The following CASP2 variants were observed in gnomAD, a reference collection of about 807,000 sequenced individuals.
CASP2 encodes the protein caspase 2, also known as caspase-2.
In CASP2, 38 loss-of-function variants were observed where a neutral mutation model predicts 54.4. The ratio of observed to expected loss-of-function variants is 0.70; its 90% confidence interval spans 0.54 to 0.92. The LOEUF is 0.92. Ranked by LOEUF, CASP2 falls within the 40% of genes least tolerant of loss-of-function variation. The pLI is 0.00. For synonymous variants in CASP2, 215 were observed against 216.3 expected, an observed-to-expected ratio of 0.99 and a Z score of 0.05; for missense variants, 512 against 579.6, an observed-to-expected ratio of 0.88 and a Z score of 1.20.
At chr7:143,303,733 A>C in intron 8 of CASP2, 51 bp from the exon 9 acceptor site, 1 of 1,579,566 alleles carries the variant, frequency 6.3e-7, no homozygotes, top group Non-Finnish European at 8.7e-7. Context: ...CAGGCCCAAG[A>C]GAGATAGGAA....
At chr7:143,289,703 T>C (rs967857782) in intron 1 of CASP2, 22 of 642,958 alleles carry the variant, frequency 3.4e-5, no homozygotes, top group Non-Finnish European at 1.5e-5. Flanking sequence ...ATTACTGCTT[T>C]GACGTATTCG....
Position 143,306,078 on chromosome 7 carries a change from TA to T in CASP2, c.*1010del, listed in dbSNP as rs1436241153. On this transcript the variant is annotated 3_prime_UTR_variant, in exon 11 of 11. Transcript: ENST00000310447. ...TAGAATCCTGCTTTACAGGATCATG[TA>T]AATGCTCAAAGATGTAATGTAGTTC... 1 of 152,184 alleles carries T rather than the reference TA, an allele frequency of 6.6e-6. No individual in the cohort carries two copies. 9.4% of individuals were successfully genotyped at this position (152,184 alleles called of 1,614,324 possible).
In CASP2 at chr7:143,300,268, T is replaced by C. The variant is rs1801876299; in HGVS notation, c.941T>C (p.Met314Thr). ...NCPSLQNKPKMFFIQACRGDE... is the reference protein window; with the variant it reads ...NCPSLQNKPKTFFIQACRGDE... ...CCAAGCCTACAGAACAAACCAAAAA[T>C]GTTCTTCATCCAGGCCTGCCGTGGA... is the stretch of plus-strand genomic sequence containing the variant. The change falls in exon 8 of 11, where the codon ATG (methionine) becomes ACG (threonine). Residue 314 changes from methionine (M) to threonine (T), a missense_variant. Coordinates refer to ENST00000310447, the MANE Select transcript of CASP2 (RefSeq NM_032982.4). 1 of 1,614,100 alleles carries C rather than the reference T, an allele frequency of 6.2e-7. No homozygotes were observed. Among genetic ancestry groups the C allele is most frequent in the South Asian group, 1.1e-5 (1 of 91,082 alleles).
Position 143,306,719 on chromosome 7 carries a change from C to G in CASP2, c.*1648C>G, listed in dbSNP as rs1466230957. ...CTATGTTTCTCAGACTGGTCTCGAA[C>G]TCCTGGCCTCAAGCCATCTTCCCGC... On this transcript the variant is annotated 3_prime_UTR_variant, in exon 11 of 11. Coordinates refer to ENST00000310447, the MANE Select transcript of CASP2 (RefSeq NM_032982.4). The G allele has an allele frequency of 6.6e-6, 1 of 151,858 alleles. No homozygotes were observed. Among genetic ancestry groups the G allele is most frequent in the African/African-American group, 2.4e-5 (1 of 41,308 alleles). 9.4% of individuals were successfully genotyped at this position (151,858 alleles called of 1,614,324 possible).
intron 1 of CASP2, chr7:143,291,058 G>A (rs1380048198): frequency 6.0e-6 from 1 of 166,032 alleles, no homozygotes; most frequent in Non-Finnish European, 1.3e-5. Context: ...GTGAAAGAGA[G>A]TTAGTGTCTG....
intron 8 of CASP2, 50 bp from the exon 9 acceptor site, chr7:143,303,734 G>C: frequency 6.3e-7 from 1 of 1,584,878 alleles, no homozygotes; most frequent in Non-Finnish European, 8.7e-7. Context: ...AGGCCCAAGA[G>C]AGATAGGAAG....
At chr7:143,290,768 G>C (rs1181334946) in intron 1 of CASP2, 1 of 152,534 alleles carries the variant, frequency 6.6e-6, no homozygotes, top group Admixed American at 6.5e-5. Flanking sequence ...CTGGGAGTCA[G>C]GGTCCACCAG....
intron 6 of CASP2, chr7:143,298,797 T>G (rs934176130): frequency 3.9e-5 from 6 of 151,996 alleles, no homozygotes; most frequent in Non-Finnish European, 7.4e-5. Flanking sequence ...CTGGGCAATA[T>G]AGCAAGATCC....
chr7:143,293,869 G>A lies in CASP2; in HGVS notation c.476-361G>A, dbSNP rs1248617993. On this transcript the variant is annotated intron_variant, in intron 4 of 10. Transcript: ENST00000310447. ...TTTGTGATAATTGGGCCTTTGAGTAGCATGTATGGGCAGGAAGTTCATGCT... is the reference window on the plus strand; with the variant it reads ...TTTGTGATAATTGGGCCTTTGAGTAACATGTATGGGCAGGAAGTTCATGCT... Among the ~76,000 whole-genome samples, 5 of 152,154 alleles carry A rather than the reference G, an allele frequency of 3.3e-5. No homozygotes were observed. In the East Asian group the frequency reaches 7.7e-4, roughly 23 times the overall value.
chr7:143,294,794 T>C, intron 6 of CASP2, 21 bp downstream of exon 6: 1 of 1,606,584 alleles, frequency 6.2e-7, no homozygotes, highest in Non-Finnish European at 8.5e-7. Flanking sequence ...TGGGAAAAAT[T>C]GACATGTAAA....
intron 6 of CASP2, among the ~76,000 whole-genome samples, chr7:143,299,170 A>G (rs907195682): frequency 6.6e-6 from 1 of 152,104 alleles, no homozygotes; most frequent in African/African-American, 2.4e-5. Context: ...GTCCAGGCCA[A>G]GTCCTTTGTC....
At chr7:143,303,224 A>G (rs1005940125) in intron 8 of CASP2, 22 of 152,276 alleles carry the variant, frequency 1.4e-4, no homozygotes, top group African/African-American at 5.1e-4. Context: ...TGCTTCGAAG[A>G]TATCAAAACC....
chr7:143,304,475 C>T (rs1046655979), intron 9 of CASP2, among the ~76,000 whole-genome samples, 199 bp from the exon 10 acceptor site: 1 of 152,190 alleles, frequency 6.6e-6, no homozygotes, highest in African/African-American at 2.4e-5. Flanking sequence ...GCCATATTCA[C>T]TTTCTTAAGC....
In CASP2 at chr7:143,303,577, A is replaced by T. The variant is rs1191733257; in HGVS notation, c.968-207A>T. The T allele has an allele frequency of 9.9e-6, 5 of 504,230 alleles. No individual in the cohort carries two copies. The East Asian group carries it at 1.8e-4, about 18-fold the overall frequency. 31.2% of individuals were successfully genotyped at this position (504,230 alleles called of 1,614,324 possible). A position where few individuals can be genotyped will look rare whatever the true frequency, so the allele number is the denominator to read the frequency against. On this transcript the variant is annotated intron_variant, in intron 8 of 10. Coordinates refer to ENST00000310447, the MANE Select transcript of CASP2 (RefSeq NM_032982.4). ...TGCTTGAGCGTGGTGCCCGGTGTGT[A>T]TGAGGCATCCCCTGAGTAACAGATG...
intron 6 of CASP2, among the ~76,000 whole-genome samples, chr7:143,294,976 C>T (rs1586458834): frequency 1.3e-5 from 2 of 151,900 alleles, no homozygotes; most frequent in Admixed American, 6.6e-5. Flanking sequence ...TTAGTGTTGA[C>T]ATCTCAGGTT....
chr7:143,301,416 CCT>C (rs748650188), intron 8 of CASP2: 1 of 151,874 alleles, frequency 6.6e-6, no homozygotes, highest in African/African-American at 2.4e-5. Flanking sequence ...GGAAATGTGG[CCT>C]CTCTAAGGAG....
chr7:143,291,436 T>C (rs984742278), intron 1 of CASP2, 104 bp from the exon 2 acceptor site: 1 of 1,139,804 alleles, frequency 8.8e-7, no homozygotes, highest in East Asian at 2.3e-5. Context: ...TCTTGGTTAT[T>C]GTAAGTCTTA....
At chr7:143,299,535 A>G (rs1001150486) in intron 6 of CASP2, among the ~76,000 whole-genome samples, 26 of 152,254 alleles carry the variant, frequency 1.7e-4, no homozygotes, top group African/African-American at 6.0e-4. Context: ...TTACTTATTC[A>G]TAGCTACACT....
In CASP2 at chr7:143,294,746, C is replaced by T; in HGVS notation, c.720C>T (p.Val240=). ...VTLFKLLGYD[V]HVLCDQTAQE... is the part of the protein sequence containing the mutation. ...TCTTCAAGCTTTTGGGCTATGACGT[C>T]CATGTTCTATGTGACCAGACTGCAC... The change falls in exon 6 of 11, where the codon GTC becomes GTT. Residue 240 remains valine, a synonymous_variant. Transcript: ENST00000310447. The T allele has an allele frequency of 6.2e-7, 1 of 1,614,158 alleles. No individual in the cohort carries two copies. Among genetic ancestry groups the T allele is most frequent in the Non-Finnish European group, 8.5e-7 (1 of 1,180,018 alleles).
Sources: gnomAD v4.1 joint callset for allele counts (sites outside exome capture counted in the v4.1 genomes callset) on GRCh38, gnomAD v4.1.1 for gene constraint, MANE v1.5 for transcripts, NCBI Gene and HGNC (gene_info 2026-07-23, HGNC 2026-07-21) for gene names.